The following COL5A1 variants were observed in gnomAD, a reference collection of about 807,000 sequenced individuals.
COL5A1 encodes collagen alpha-1(V) chain.
Under a neutral mutation model 263.7 loss-of-function variants are expected in COL5A1, and 16 were observed. That is an observed-to-expected ratio of 0.06 (90% CI 0.04 to 0.09). The LOEUF is 0.09. Ranked by LOEUF, COL5A1 falls within the 10% of genes least tolerant of loss-of-function variation. The probability of loss-of-function intolerance (pLI) is 1.00; values close to 1 mark genes in which losing one functional copy is unlikely to be tolerated. For synonymous variants in COL5A1, 1,012 were observed against 1,004.5 expected (o/e 1.01, Z -0.14); for missense variants, 2,036 against 2,540.5 (o/e 0.80, Z 4.27).
intron 32 of COL5A1, among the ~76,000 whole-genome samples, chr9:134,790,583 C>A (rs1242873590): frequency 1.1e-5 from 1 of 94,974 alleles, no homozygotes; most frequent in Non-Finnish European, 2.1e-5. Flanking sequence ...TCCATCCATC[C>A]ATCCATCTAT....
rs1010860447 is a variant in COL5A1, at chr9:134,757,972, G to A, written c.1882-271G>A. 3.9e-5 allele frequency among the ~76,000 whole-genome samples: 6 copies of A among 152,150 alleles called. No individual in the cohort carries two copies. The highest frequency in any genetic ancestry group is 2.1e-4 in the South Asian group (1 of 4,814). On this transcript the variant is annotated intron_variant, in intron 17 of 65. Coordinates refer to ENST00000371817, the MANE Select transcript of COL5A1 (RefSeq NM_000093.5). This position sits in a 1 kb window ranked among gnomAD's most constrained non-coding sequence, Gnocchi z 6.2. ...AAACTGCAGCGGTCGCTGAAATACC[G>A]CATGACTAAGGACCCGTCGGGGCCT...
intron 2 of COL5A1, among the ~76,000 whole-genome samples, chr9:134,694,655 C>A (rs1833397688): frequency 6.6e-6 from 1 of 152,222 alleles, no homozygotes. Flanking sequence ...GGGAGCTCAA[C>A]CCTGAGCCAC....
chr9:134,771,388 C>T (rs577946221), intron 25 of COL5A1, among the ~76,000 whole-genome samples: 4 of 152,350 alleles, frequency 2.6e-5, no homozygotes, highest in Admixed American at 6.5e-5. Context: ...GCCTTGTTTC[C>T]GGAAGGCGGC....
chr9:134,831,218 C>G (rs1839608071), intron 64 of COL5A1, among the ~76,000 whole-genome samples: 2 of 152,240 alleles, frequency 1.3e-5, no homozygotes, highest in Admixed American at 1.3e-4. Flanking sequence ...ACCTCTGAAG[C>G]CCCTCGTCTC....
In COL5A1 at chr9:134,677,684, A is replaced by G. The variant is rs1278820537; in HGVS notation, c.110-13228A>G. The stretch of plus-strand genomic sequence containing the variant: ...CCATCCTGTAGTGAGCCATCTGTCT[A>G]TATCCATCCCTCCATCCTTTCTCAG... On this transcript the variant is annotated intron_variant, in intron 1 of 65. Coordinates refer to ENST00000371817, the MANE Select transcript of COL5A1 (RefSeq NM_000093.5). This position sits in a 1 kb window ranked among gnomAD's most constrained non-coding sequence, Gnocchi z 4.4. Among the ~76,000 whole-genome samples the G allele has an allele frequency of 1.3e-5, 2 of 152,108 alleles. No individual in the cohort carries two copies. Among genetic ancestry groups the G allele is most frequent in the African/African-American group, 4.8e-5 (2 of 41,406 alleles).
At chr9:134,649,507 G>T (rs749058099) in intron 1 of COL5A1, 1 of 471,266 alleles carries the variant, frequency 2.1e-6, no homozygotes, top group Non-Finnish European at 4.4e-6. Flanking sequence ...CCGTGTTCTT[G>T]TAGGGAAATT....
chr9:134,685,114 TCATC>T (rs767814449), intron 1 of COL5A1, among the ~76,000 whole-genome samples: 1,441 of 11,086 alleles, frequency 0.13, 15 homozygotes, highest in East Asian at 0.35. Context: ...ATCCATCCAT[TCATC>T]CATCCATCCA....
chr9:134,698,358 G>A (rs976888275), intron 2 of COL5A1, among the ~76,000 whole-genome samples: 1 of 152,282 alleles, frequency 6.6e-6, no homozygotes, highest in African/African-American at 2.4e-5. Context: ...CCCTGTCAGT[G>A]CCTTAGTGAG....
intron 31 of COL5A1, 137 bp downstream of exon 31, chr9:134,786,185 C>G: frequency 1.2e-6 from 1 of 833,932 alleles, no homozygotes; most frequent in Non-Finnish European, 2.0e-6. Context: ...GGCCATGTTA[C>G]GTGTCCTGGT....
chr9:134,805,299 C>A, intron 41 of COL5A1, 85 bp downstream of exon 41: 2 of 1,476,788 alleles, frequency 1.4e-6, no homozygotes, highest in Non-Finnish European at 1.9e-6. Flanking sequence ...CCAGAGCATG[C>A]AGCTGCCCCA....
chr9:134,732,154 T>C, intron 9 of COL5A1, 27 bp downstream of exon 9: 5 of 1,613,366 alleles, frequency 3.1e-6, no homozygotes, highest in Non-Finnish European at 4.2e-6. Flanking sequence ...ATTCCCTCCC[T>C]GCGCCGGGGT....
rs550071025 is a variant in COL5A1, at chr9:134,765,898, G to A, written c.2088+164G>A. Among the ~76,000 whole-genome samples, 46 of 152,328 alleles carry A rather than the reference G, an allele frequency of 3.0e-4. No individual in the cohort carries two copies. The highest frequency in any genetic ancestry group is 1.2e-3 in the East Asian group (6 of 5,170). ...GTGAGCGGGACACTGATGTTCAGAC[G>A]CTGTAGACACGGCCCCAGCAGGTGT... On this transcript the variant is annotated intron_variant, in intron 21 of 65. Coordinates refer to ENST00000371817, the MANE Select transcript of COL5A1 (RefSeq NM_000093.5). This position sits in a 1 kb window ranked among gnomAD's most constrained non-coding sequence, Gnocchi z 5.1.
intron 53 of COL5A1, 122 bp from the exon 54 acceptor site, chr9:134,817,656 C>G (rs1056045443): frequency 1.1e-6 from 1 of 893,776 alleles, no homozygotes; most frequent in East Asian, 2.7e-5. Flanking sequence ...GCACCTGCAC[C>G]CGAGCTCGTC....
At chr9:134,801,903 G>T (rs369332169) in intron 37 of COL5A1, 51 bp from the exon 38 acceptor site, 9 of 1,551,534 alleles carry the variant, frequency 5.8e-6, no homozygotes, top group East Asian at 4.5e-5. Flanking sequence ...TGCAGGGCAG[G>T]GTGGCGCAGG....
At chr9:134,770,073 A>G (rs1248589118) in intron 25 of COL5A1, among the ~76,000 whole-genome samples, 1 of 152,178 alleles carries the variant, frequency 6.6e-6, no homozygotes, top group Non-Finnish European at 1.5e-5. Flanking sequence ...GCGTAGGTGG[A>G]CCCCATTCAC....
intron 65 of COL5A1, among the ~76,000 whole-genome samples, chr9:134,840,081 C>A (rs957403694): frequency 5.9e-5 from 9 of 152,270 alleles, no homozygotes; most frequent in Non-Finnish European, 1.2e-4. Flanking sequence ...ATGACCACGC[C>A]TATCAGAATT....
intron 64 of COL5A1, chr9:134,830,364 AGT>A: frequency 1.6e-6 from 1 of 636,196 alleles, no homozygotes; most frequent in Non-Finnish European, 2.7e-6. Context: ...CCCTGACAAG[AGT>A]GTGTTTCTGC....
At chr9:134,805,132 C>T (rs756194058) in intron 40 of COL5A1, 29 bp from the exon 41 acceptor site, 1 of 1,614,012 alleles carries the variant, frequency 6.2e-7, no homozygotes, top group Non-Finnish European at 8.5e-7. Context: ...CCCCACGTGC[C>T]CTTGACCAAC....
At chr9:134,773,055 C>T (rs974340702) in intron 26 of COL5A1, among the ~76,000 whole-genome samples, 4 of 152,250 alleles carry the variant, frequency 2.6e-5, no homozygotes, top group African/African-American at 7.2e-5. Flanking sequence ...GCCCCTCACC[C>T]CACCCTCCAG....
Sources: gnomAD v4.1 joint callset for allele counts (sites outside exome capture counted in the v4.1 genomes callset) on GRCh38, gnomAD v4.1.1 for gene constraint, Gnocchi (gnomAD v3.1) non-coding constraint, MANE v1.5 for transcripts, NCBI Gene and HGNC (gene_info 2026-07-23, HGNC 2026-07-21) for gene names.